Variants in AXDND1 observed in about 807,000 individuals in gnomAD.
AXDND1 encodes axonemal dynein light chain domain containing 1, also known as axonemal dynein light chain domain-containing protein 1.
In AXDND1, 110 loss-of-function variants were observed where a neutral mutation model predicts 137.5. The observed-to-expected ratio is 0.80, with a 90% CI of 0.69 to 0.94. The LOEUF (loss-of-function observed/expected upper bound fraction) is 0.94. Ranked by LOEUF, AXDND1 falls within the 40% of genes least tolerant of loss-of-function variation. AXDND1 has a pLI of 0.00. For missense variants in AXDND1, 1,191 were observed against 1,169.8 expected (o/e 1.02, Z -0.26); for synonymous variants, 414 against 399.7 (o/e 1.04, Z -0.43).
At chr1:179,478,922 G>A (rs1664971871) in intron 17 of AXDND1, among the ~76,000 whole-genome samples, 1 of 151,852 alleles carries the variant, frequency 6.6e-6, no homozygotes, top group Non-Finnish European at 1.5e-5. Flanking sequence ...CCAACATGGT[G>A]AAACTCAATC....
chr1:179,435,724 C>T (rs1270181404), intron 15 of AXDND1, among the ~76,000 whole-genome samples: 1 of 151,992 alleles, frequency 6.6e-6, no homozygotes, highest in East Asian at 1.9e-4. Flanking sequence ...AAATCCCAAA[C>T]AATAAAAACC....
At chr1:179,442,924 T>C (rs1301981012) in intron 15 of AXDND1, among the ~76,000 whole-genome samples, 1 of 152,198 alleles carries the variant, frequency 6.6e-6, no homozygotes, top group African/African-American at 2.4e-5. Context: ...GCACCTTGCC[T>C]CTGGTGCACA....
chr1:179,432,858 G>A (rs1394228441), intron 15 of AXDND1, among the ~76,000 whole-genome samples: 2 of 151,290 alleles, frequency 1.3e-5, no homozygotes. Flanking sequence ...AGCCGAGATT[G>A]CACCACTGCA....
At chr1:179,536,591 A>G (rs996662030) in intron 25 of AXDND1, among the ~76,000 whole-genome samples, 1 of 152,164 alleles carries the variant, frequency 6.6e-6, no homozygotes, top group Admixed American at 6.5e-5. Flanking sequence ...TGGTACCAGT[A>G]CCATGCTGTT....
chr1:179,392,509 T>C (rs2125131461), intron 9 of AXDND1, among the ~76,000 whole-genome samples: 1 of 152,362 alleles, frequency 6.6e-6, no homozygotes, highest in South Asian at 2.1e-4. Context: ...GATTGTTAGA[T>C]TGAATGGTAG....
At chr1:179,456,885 G>T (rs930558655) in intron 16 of AXDND1, 1 of 914,848 alleles carries the variant, frequency 1.1e-6, no homozygotes, top group African/African-American at 1.6e-5. Flanking sequence ...ATTGTCAAAG[G>T]TTACAAAGGC....
chr1:179,379,718 C>T (rs1223958194), intron 6 of AXDND1, among the ~76,000 whole-genome samples: 1 of 146,904 alleles, frequency 6.8e-6, no homozygotes, highest in Admixed American at 7.0e-5. Context: ...ATCACTTGAA[C>T]CTGGGAGGCG....
At chr1:179,478,448 TGCCATGGCTTGTGGCTTGCACTTTCTGAA>T (rs1159772506) in intron 17 of AXDND1, among the ~76,000 whole-genome samples, 1 of 152,238 alleles carries the variant, frequency 6.6e-6, no homozygotes, top group Non-Finnish European at 1.5e-5. Context: ...ATGTGGATGC[TGCCATGGCTTGTGGCTTGCACTTTCTGAA>T]GCCATGGCCC....
In AXDND1 at chr1:179,449,988, A is replaced by ATTCTTTTTTTTTTT. The variant is rs1571882821; in HGVS notation, c.1798+4786_1798+4787insCTTTTTTTTTTTTT. 16 of 65,368 alleles carry ATTCTTTTTTTTTTT rather than the reference A, an allele frequency of 2.4e-4. 3 individuals are homozygous for ATTCTTTTTTTTTTT. Among genetic ancestry groups the ATTCTTTTTTTTTTT allele is most frequent in the Admixed American group, 8.0e-4 (4 of 4,978 alleles). 4.0% of individuals were successfully genotyped at this position (65,368 alleles called of 1,614,324 possible). A position where few individuals can be genotyped will look rare whatever the true frequency, so the allele number is the denominator to read the frequency against. Reference sequence around the variant, plus strand: ...TTTTACTAGTTTCTTGCCAATCTGGATTTTTTTTTTTTTTTTTTTTTTTTT... The same window carrying ATTCTTTTTTTTTTT: ...TTTTACTAGTTTCTTGCCAATCTGGATTCTTTTTTTTTTTTTTTTTTTTTTTTTTTTTTTTTTTT... On this transcript the variant is annotated intron_variant, in intron 16 of 25. Coordinates refer to ENST00000367618, the MANE Select transcript of AXDND1 (RefSeq NM_144696.6).
At chr1:179,378,200 A>G (rs1009003631) in intron 4 of AXDND1, among the ~76,000 whole-genome samples, 1 of 152,138 alleles carries the variant, frequency 6.6e-6, no homozygotes, top group African/African-American at 2.4e-5. Flanking sequence ...TAACAATCAC[A>G]ACATGACAGC....
chr1:179,413,291 A>T (rs12727704), intron 12 of AXDND1, among the ~76,000 whole-genome samples: 44,631 of 152,026 alleles, frequency 0.29, 6,770 homozygotes, highest in Non-Finnish European at 0.31. Flanking sequence ...CAGGATAGCT[A>T]CATGGATATA....
chr1:179,466,258 T>A (rs1425145024), intron 16 of AXDND1, among the ~76,000 whole-genome samples: 1 of 149,974 alleles, frequency 6.7e-6, no homozygotes. Context: ...ACCTCCTCTT[T>A]TCTTTTCTTT....
Position 179,395,168 on chromosome 1 carries a change from G to A in AXDND1, c.1075G>A (p.Ala359Thr). 1.2e-6 allele frequency: 2 copies of A among 1,613,484 alleles called. No individual in the cohort carries two copies. Among genetic ancestry groups the A allele is most frequent in the Non-Finnish European group, 1.7e-6 (2 of 1,179,732 alleles). ...KETEKAHKDLAQALLNAEKNA... is the reference protein window; with the variant it reads ...KETEKAHKDLTQALLNAEKNA... ...AACAGAAAAAGCCCACAAGGATTTG[G>A]CACAAGCTCTTTTAAATGCGGAAAA... The change falls in exon 11 of 26, where the codon GCA (alanine) becomes ACA (threonine). Residue 359 changes from alanine (A) to threonine (T), a missense_variant. Physicochemically the swap from Ala to Thr is moderately conservative, Grantham distance 58. Coordinates refer to ENST00000367618, the MANE Select transcript of AXDND1 (RefSeq NM_144696.6).
At chr1:179,383,270 T>C (rs1648672270) in intron 7 of AXDND1, among the ~76,000 whole-genome samples, 172 bp from the exon 8 acceptor site, 1 of 152,220 alleles carries the variant, frequency 6.6e-6, no homozygotes, top group Non-Finnish European at 1.5e-5. Flanking sequence ...TCCTTTTTTC[T>C]ACTATATTAT....
At chr1:179,393,562 T>C (rs7553154) in intron 9 of AXDND1, among the ~76,000 whole-genome samples, 44,252 of 151,948 alleles carry the variant, frequency 0.29, 6,651 homozygotes, top group Non-Finnish European at 0.31. Context: ...AGTTTGGCAG[T>C]ATGGTCATTT....
intron 9 of AXDND1, among the ~76,000 whole-genome samples, chr1:179,389,188 G>A (rs1281683432): frequency 6.6e-6 from 1 of 151,904 alleles, no homozygotes; most frequent in African/African-American, 2.4e-5. Flanking sequence ...GGCCAGGCTG[G>A]TCTCGAACTC....
At chr1:179,431,201 G>T (rs965610531) in intron 14 of AXDND1, among the ~76,000 whole-genome samples, 1 of 152,050 alleles carries the variant, frequency 6.6e-6, no homozygotes, top group Admixed American at 6.5e-5. Context: ...GAGTGCAGTG[G>T]CGCAATCTTG....
intron 22 of AXDND1, among the ~76,000 whole-genome samples, chr1:179,526,419 A>T (rs1052534412): frequency 6.6e-6 from 1 of 152,162 alleles, no homozygotes; most frequent in Admixed American, 6.6e-5. Flanking sequence ...AGGTTGACTG[A>T]TTTACTCAAA....
chr1:179,522,419 T>C (rs1020365658), intron 21 of AXDND1, among the ~76,000 whole-genome samples: 41 of 152,302 alleles, frequency 2.7e-4, no homozygotes, highest in Non-Finnish European at 1.3e-4. Flanking sequence ...TGTAGTCTGT[T>C]TGATAATTCT....
Sources: allele counts gnomAD v4.1 joint callset (sites outside exome capture counted in the v4.1 genomes callset), GRCh38; gene constraint gnomAD v4.1.1; transcripts MANE v1.5; gene names NCBI Gene and HGNC (gene_info 2026-07-23, HGNC 2026-07-21).